Variants in SLC2A3 observed in about 807,000 individuals in gnomAD.
SLC2A3 encodes the protein solute carrier family 2, facilitated glucose transporter member 3.
SLC2A3 carries 21 observed loss-of-function variants against 46.4 expected under a neutral mutation model. That is an observed-to-expected ratio of 0.45 (90% CI 0.32 to 0.65). SLC2A3 has a LOEUF of 0.65. Among genes scored for constraint, SLC2A3 ranks in the 30% least tolerant of loss-of-function variants. The probability of loss-of-function intolerance (pLI) is 0.04; values close to 1 mark genes in which losing one functional copy is unlikely to be tolerated. For missense variants in SLC2A3, 499 were observed against 623.3 expected (o/e 0.80, Z 2.12); for synonymous variants, 213 against 239.4 (o/e 0.89, Z 1.02).
At position 7,931,265 on chromosome 12, in the gene SLC2A3, C is replaced by T. The variant is rs764642943; in HGVS notation, c.490G>A (p.Val164Ile). ...FGTLNQLGIV[V>I]GILVAQIFGL... ...AGTACCTGGGCCACCAGAATTCCAA[C>T]AACGATGCCCAGCTGGTTGAGAGTG... is the stretch of plus-strand genomic sequence containing the variant. The change falls in exon 4 of 10, where the codon GTT (valine) becomes ATT (isoleucine). Residue 164 changes from valine (V) to isoleucine (I), a missense_variant. Coordinates refer to ENST00000075120, the MANE Select transcript of SLC2A3 (RefSeq NM_006931.3). 5.0e-5 allele frequency: 81 copies of T among 1,613,990 alleles called. 1 individual carries two copies. The Admixed American group carries it at 6.2e-4, about 12-fold the overall frequency.
intron 3 of SLC2A3, among the ~76,000 whole-genome samples, chr12:7,931,797 GAAC>G (rs769991009): frequency 1.3e-5 from 2 of 151,324 alleles, no homozygotes; most frequent in African/African-American, 2.4e-5. Flanking sequence ...AAAAACAAAA[GAAC>G]AACATAATCA....
At position 7,920,073 on chromosome 12, in the gene SLC2A3, A is replaced by G. The variant is rs1370531140; in HGVS notation, c.*1340T>C. On this transcript the variant is annotated 3_prime_UTR_variant, in exon 10 of 10. Coordinates refer to ENST00000075120, the MANE Select transcript of SLC2A3 (RefSeq NM_006931.3). ...AGTGACATGGTAACAGACATACGCA[A>G]GCGTGCCGTGAGCCTAAAGCAACAA... 6.6e-6 allele frequency: 1 copy of G among 152,426 alleles called. No individual in the cohort carries two copies. The highest frequency in any genetic ancestry group is 6.5e-5 in the Admixed American group (1 of 15,274). The allele number at this position is 152,426 out of a possible 1,614,324, so 9.4% of individuals were successfully genotyped here. A position where few individuals can be genotyped will look rare whatever the true frequency, so the allele number is the denominator to read the frequency against.
In SLC2A3 at chr12:7,920,473, GC is replaced by G. The variant is rs1214094291; in HGVS notation, c.*939del. 6.6e-6 allele frequency: 1 copy of G among 151,994 alleles called. No homozygotes were observed. Among genetic ancestry groups the G allele is most frequent in the Non-Finnish European group, 1.5e-5 (1 of 67,994 alleles). 9.4% of individuals were successfully genotyped at this position (151,994 alleles called of 1,614,324 possible). On this transcript the variant is annotated 3_prime_UTR_variant, in exon 10 of 10. Coordinates refer to ENST00000075120, the MANE Select transcript of SLC2A3 (RefSeq NM_006931.3). ...CCCATCAACCATCATTAACTACAAT[GC>G]CCATATTAGTTAATAATCCTAGATT... is the stretch of plus-strand genomic sequence containing the variant.
chr12:7,932,713 G>C (rs1565605061), intron 3 of SLC2A3: 1 of 367,150 alleles, frequency 2.7e-6, no homozygotes, highest in African/African-American at 2.1e-5. Flanking sequence ...CCATAGTTGA[G>C]TTTACTAGGG....
At chr12:7,921,733 CCCTT>C (rs1946038332) in intron 9 of SLC2A3, 102 bp from the exon 10 acceptor site, 6 of 1,249,760 alleles carry the variant, frequency 4.8e-6, no homozygotes, top group African/African-American at 1.5e-5. Context: ...CAAGCTATAA[CCCTT>C]CCATATTTAA....
chr12:7,925,347 C>T (rs1266645203), intron 7 of SLC2A3: 1 of 152,884 alleles, frequency 6.5e-6, no homozygotes, highest in African/African-American at 2.4e-5. Flanking sequence ...GAGCTTGTGA[C>T]TGGCATCAGG....
rs768094877 is a variant in SLC2A3 at position 7,929,602 on chromosome 12, C to A, written c.861+82G>T. On this transcript the variant is annotated intron_variant, in intron 6 of 9. Coordinates refer to ENST00000075120, the MANE Select transcript of SLC2A3 (RefSeq NM_006931.3). ...ACCTCAGCCTCCTGAGTAGCTGGGA[C>A]TACAGAGGCACACCGCCACCATGCC... 7.2e-5 allele frequency: 111 copies of A among 1,548,112 alleles called. 1 individual carries two copies. Among genetic ancestry groups the A allele is most frequent in the Non-Finnish European group, 9.5e-5 (109 of 1,143,398 alleles).
At chr12:7,930,698 C>T in intron 4 of SLC2A3, 56 bp from the exon 5 acceptor site, 1 of 1,487,124 alleles carries the variant, frequency 6.7e-7, no homozygotes, top group South Asian at 1.3e-5. Context: ...GCCACAAGTT[C>T]ATTAAAACAC....
chr12:7,930,625 G>A lies in SLC2A3; in HGVS notation c.528C>T (p.Phe176=). Residue 176 remains phenylalanine (F), a synonymous_variant, in exon 5 of 10, where the codon TTC becomes TTT. Transcript: ENST00000075120. ...GCCATAGCTCTTCAGACCCAAGGAT[G>A]AATTCCAGACCAAAGATCTAGAAAC... ...ILVAQIFGLE[F]ILGSEELWPL... 6.2e-7 allele frequency: 1 copy of A among 1,613,236 alleles called. No individual in the cohort carries two copies. Among genetic ancestry groups the A allele is most frequent in the South Asian group, 1.1e-5 (1 of 90,990 alleles).
intron 7 of SLC2A3, chr12:7,925,388 C>CA (rs1946083800): frequency 6.5e-6 from 1 of 154,498 alleles, no homozygotes; most frequent in Non-Finnish European, 1.4e-5. Context: ...ACTGGGCCAC[C>CA]AACCTGTGAG....
chr12:7,933,282 T>C (rs1375830999), intron 2 of SLC2A3, 135 bp from the exon 3 acceptor site: 3 of 977,956 alleles, frequency 3.1e-6, no homozygotes, highest in Admixed American at 2.8e-5. Flanking sequence ...AGATAACGTA[T>C]TGGAATTTAT....
chr12:7,933,107 C>T lies in SLC2A3; in HGVS notation c.149G>A (p.Gly50Glu). Residue 50 changes from glycine to glutamate, a missense_variant, in exon 3 of 10, where the codon GGA becomes GAA. By Grantham distance (98) the Gly-to-Glu change is moderately conservative. Coordinates refer to ENST00000075120, the MANE Select transcript of SLC2A3 (RefSeq NM_006931.3). ...CAGCACCTCAGAGGGTGGGGCATTT[C>T]CCTTGTCCGTCAAAGTTTTATTGAT... is the stretch of plus-strand genomic sequence containing the variant. The part of the protein sequence containing the change: ...EFINKTLTDK[G>E]NAPPSEVLLT... The T allele has an allele frequency of 1.2e-6, 2 of 1,614,046 alleles. No homozygotes were observed. Among genetic ancestry groups the T allele is most frequent in the Non-Finnish European group, 1.7e-6 (2 of 1,179,988 alleles).
At chr12:7,934,858 G>A (rs1946196759) in intron 1 of SLC2A3, among the ~76,000 whole-genome samples, 1 of 152,304 alleles carries the variant, frequency 6.6e-6, no homozygotes, top group East Asian at 1.9e-4. Context: ...GGAGGGCCCT[G>A]CCAGTGCAAT....
Position 7,930,487 on chromosome 12 carries a change from A to G in SLC2A3, c.666T>C (p.Ala222=), listed in dbSNP as rs1273076046. 3.1e-6 allele frequency: 5 copies of G among 1,613,202 alleles called. No homozygotes were observed. The African/African-American group carries it at 6.7e-5, about 22-fold the overall frequency. ...LLINRKEEEN[A]KQILQRLWGT... ...GGTGTGAAGGATACTCACTCTGCTT[A>G]GCATTCTCCTCTTCTTTTCTGTTAA... is the stretch of plus-strand genomic sequence containing the variant. The change falls in exon 5 of 10, where the codon GCT becomes GCC. Residue 222 remains alanine (A), a synonymous_variant. Coordinates refer to ENST00000075120, the MANE Select transcript of SLC2A3 (RefSeq NM_006931.3).
chr12:7,930,406 T>C, intron 5 of SLC2A3, 74 bp downstream of exon 5: 6 of 1,396,116 alleles, frequency 4.3e-6, no homozygotes, highest in Non-Finnish European at 6.0e-6. Flanking sequence ...TAACAGAAAG[T>C]AGGTCCAGTA....
At chr12:7,932,162 G>A (rs1440170618) in intron 3 of SLC2A3, among the ~76,000 whole-genome samples, 1 of 151,378 alleles carries the variant, frequency 6.6e-6, no homozygotes, top group Non-Finnish European at 1.5e-5. Flanking sequence ...TTACAGGCGT[G>A]AGCCACGGCA....
intron 1 of SLC2A3, 113 bp downstream of exon 1, chr12:7,935,907 T>A (rs1946208202): frequency 3.3e-6 from 3 of 910,854 alleles, no homozygotes. Context: ...GAAAAGGCCT[T>A]AAGATAGCTT....
chr12:7,928,381 G>A (rs1034126329), intron 6 of SLC2A3, among the ~76,000 whole-genome samples: 6 of 151,512 alleles, frequency 4.0e-5, no homozygotes, highest in African/African-American at 1.2e-4. Context: ...CTGGGCGATC[G>A]AGTGAGACTC....
intron 1 of SLC2A3, among the ~76,000 whole-genome samples, chr12:7,935,107 G>A (rs1946198524): frequency 1.3e-5 from 2 of 151,168 alleles, no homozygotes; most frequent in Non-Finnish European, 2.9e-5. Context: ...GGGGTTATAG[G>A]TGTGACCCAC....
Sources: allele counts gnomAD v4.1 joint callset (sites outside exome capture counted in the v4.1 genomes callset), GRCh38; gene constraint gnomAD v4.1.1; transcripts MANE v1.5; gene names NCBI Gene and HGNC (gene_info 2026-07-23, HGNC 2026-07-21).